C19orf47: variants seen among roughly 807,000 people sequenced by gnomAD.
The protein encoded by C19orf47 is uncharacterized protein C19orf47.
Under a neutral mutation model 32.3 loss-of-function variants are expected in C19orf47, and 18 were observed. The ratio of observed to expected loss-of-function variants is 0.56; its 90% confidence interval spans 0.39 to 0.83. C19orf47 has a LOEUF of 0.83. Ranked by LOEUF, C19orf47 falls within the 40% of genes least tolerant of loss-of-function variation. The pLI, the probability that C19orf47 is intolerant of heterozygous loss-of-function variation, is 0.00. For synonymous variants in C19orf47, 202 were observed against 211.1 expected (o/e 0.96, Z 0.37); for missense variants, 484 against 531.6 (o/e 0.91, Z 0.88).
intron 5 of C19orf47, among the ~76,000 whole-genome samples, chr19:40,329,532 A>G (rs2077905144): frequency 6.6e-6 from 1 of 152,020 alleles, no homozygotes; most frequent in Non-Finnish European, 1.5e-5. Flanking sequence ...AAGAAAGAAA[A>G]CTACATTAAA....
intron 5 of C19orf47, among the ~76,000 whole-genome samples, chr19:40,330,753 G>C (rs371835181): frequency 1.3e-5 from 2 of 150,272 alleles, no homozygotes; most frequent in African/African-American, 4.9e-5. Context: ...CAAATGCCTA[G>C]CATCAAGTGA....
At chr19:40,333,729 T>A in intron 5 of C19orf47, 122 bp downstream of exon 5, 1 of 717,146 alleles carries the variant, frequency 1.4e-6, no homozygotes. Flanking sequence ...GAGTAAGAAT[T>A]CCTCCAATGG....
chr19:40,306,151 CAAAAAAAAA>C, the C19orf47 span, among the ~76,000 whole-genome samples: 1 of 53,874 alleles, frequency 1.9e-5, no homozygotes, highest in Non-Finnish European at 3.6e-5. Context: ...AACTCTGTCT[CAAAAAAAAA>C]AAAAAAAAAA....
At chr19:40,345,601 G>A (rs1372381311) in intron 1 of C19orf47, among the ~76,000 whole-genome samples, 1 of 151,192 alleles carries the variant, frequency 6.6e-6, no homozygotes, top group African/African-American at 2.4e-5. Flanking sequence ...CAGCACTTTG[G>A]GAGGCTGAGG....
the C19orf47 span, chr19:40,299,586 C>T: frequency 6.6e-6 from 1 of 152,208 alleles, no homozygotes; most frequent in East Asian, 1.9e-4. Context: ...AGCAAGCACT[C>T]ATCAAGTGTT....
rs1273828371 is a variant in C19orf47 at position 40,321,734 on chromosome 19, C to T, written c.*148G>A. The T allele has an allele frequency of 2.1e-6, 3 of 1,429,440 alleles. No homozygotes were observed. The highest frequency in any genetic ancestry group is 2.5e-5 in the East Asian group (1 of 39,596). 88.5% of individuals were successfully genotyped at this position (1,429,440 alleles called of 1,614,324 possible). On this transcript the variant is annotated 3_prime_UTR_variant, in exon 9 of 9. Coordinates refer to ENST00000683109, the MANE Select transcript of C19orf47 (RefSeq NM_001256441.2). ...CCAGGCTAGGAGAAATGGGGTGATC[C>T]CCCGAATGCTCGGGCCTAGCTCTAG...
chr19:40,304,900 C>T, the C19orf47 span, among the ~76,000 whole-genome samples: 4 of 152,128 alleles, frequency 2.6e-5, no homozygotes, highest in Admixed American at 6.6e-5. Flanking sequence ...AAGCTCTGTA[C>T]TAGGCTGATT....
chr19:40,333,136 T>C (rs968078895), intron 5 of C19orf47, among the ~76,000 whole-genome samples: 6 of 151,920 alleles, frequency 3.9e-5, no homozygotes, highest in African/African-American at 1.5e-4. Flanking sequence ...CAGGTGCCTG[T>C]AATCCCAGCT....
chr19:40,333,358 A>T (rs1030249716), intron 5 of C19orf47, among the ~76,000 whole-genome samples: 10 of 152,142 alleles, frequency 6.6e-5, no homozygotes, highest in African/African-American at 2.4e-4. Context: ...TCCTAAATGT[A>T]AGAAGGGTAT....
At chr19:40,326,539 AG>A in intron 6 of C19orf47, 53 bp from the exon 7 acceptor site, 1 of 1,585,358 alleles carries the variant, frequency 6.3e-7, no homozygotes, top group Non-Finnish European at 8.6e-7. Flanking sequence ...ACGTTCTCCC[AG>A]GATGGAAGCT....
chr19:40,348,348 TCG>T lies in C19orf47; in HGVS notation c.-60_-59del. On this transcript the variant is annotated 5_prime_UTR_variant, in exon 1 of 9. Transcript: ENST00000683109. ...CCTGGCCCACCGGGCCCGCGCCCACTCGCGCCGCCCGCCCTCCCTCCCGGCGG... is the reference window on the plus strand; with the variant it reads ...CCTGGCCCACCGGGCCCGCGCCCACTCGCCGCCCGCCCTCCCTCCCGGCGG... The T allele has an allele frequency of 7.6e-7, 1 of 1,309,620 alleles. No individual in the cohort carries two copies. Among genetic ancestry groups the T allele is most frequent in the Non-Finnish European group, 9.8e-7 (1 of 1,023,454 alleles). 81.1% of individuals were successfully genotyped at this position (1,309,620 alleles called of 1,614,324 possible).
At chr19:40,293,558 C>T in the C19orf47 span, among the ~76,000 whole-genome samples, 2 of 151,714 alleles carry the variant, frequency 1.3e-5, no homozygotes, top group African/African-American at 2.4e-5. Context: ...CTCCGCTTCC[C>T]GGGTTCAAGC....
intron 5 of C19orf47, among the ~76,000 whole-genome samples, chr19:40,329,956 G>A (rs1001971070): frequency 6.6e-6 from 1 of 152,186 alleles, no homozygotes; most frequent in Non-Finnish European, 1.5e-5. Context: ...GGAATGTGAT[G>A]CTTTATTGTC....
downstream of C19orf47, among the ~76,000 whole-genome samples, chr19:40,317,711 T>C (rs936577278): frequency 8.6e-5 from 13 of 150,530 alleles, no homozygotes. Flanking sequence ...AGAGTCCAAA[T>C]CCACTGTTTT....
chr19:40,321,623 G>C lies in C19orf47; in HGVS notation c.*259C>G, dbSNP rs1226116515. The C allele has an allele frequency of 1.6e-6, 2 of 1,283,126 alleles. No individual in the cohort carries two copies. The highest frequency in any genetic ancestry group is 6.3e-5 in the East Asian group (2 of 31,608). 79.5% of individuals were successfully genotyped at this position (1,283,126 alleles called of 1,614,324 possible). A position where few individuals can be genotyped will look rare whatever the true frequency, so the allele number is the denominator to read the frequency against. Reference sequence around the variant, plus strand: ...TGGGAGAGGTAGAAAAGTGGGTTCTGCCAAGGCCACAGCCAGAGAAGAAAG... The same window carrying C: ...TGGGAGAGGTAGAAAAGTGGGTTCTCCCAAGGCCACAGCCAGAGAAGAAAG... On this transcript the variant is annotated 3_prime_UTR_variant, in exon 9 of 9. Transcript: ENST00000683109.
chr19:40,302,914 C>T, the C19orf47 span, among the ~76,000 whole-genome samples: 2 of 152,158 alleles, frequency 1.3e-5, no homozygotes, highest in East Asian at 3.8e-4. Context: ...ACCACAAACA[C>T]TTAGGTATAC....
chr19:40,335,684 A>G (rs1381505576), intron 4 of C19orf47, among the ~76,000 whole-genome samples: 1 of 147,556 alleles, frequency 6.8e-6, no homozygotes, highest in African/African-American at 2.5e-5. Context: ...ATCTCGGCTC[A>G]CTGCAAGCTC....
chr19:40,334,921 T>C (rs1335271992), intron 4 of C19orf47: 2 of 93,190 alleles, frequency 2.1e-5, no homozygotes, highest in African/African-American at 4.2e-5. Flanking sequence ...CAAAAATAAA[T>C]AATAAACAAG....
chr19:40,345,805 C>T (rs891665212), intron 1 of C19orf47, among the ~76,000 whole-genome samples: 2 of 143,288 alleles, frequency 1.4e-5, no homozygotes, highest in South Asian at 2.2e-4. Flanking sequence ...GCCAAGATTA[C>T]GCCACTTCAC....
Sources: allele counts gnomAD v4.1 joint callset (sites outside exome capture counted in the v4.1 genomes callset), GRCh38; gene constraint gnomAD v4.1.1; transcripts MANE v1.5; gene names NCBI Gene and HGNC (gene_info 2026-07-23, HGNC 2026-07-21).